The following ENTHD1 variants were observed in gnomAD, a reference collection of about 807,000 sequenced individuals.
ENTHD1 encodes the protein ENTH domain-containing protein 1.
Under a neutral mutation model 39.1 loss-of-function variants are expected in ENTHD1, and 23 were observed. The ratio of observed to expected loss-of-function variants is 0.59; its 90% CI spans 0.42 to 0.83. The LOEUF is 0.83. ENTHD1 is among the 40% of genes least tolerant of loss of function. The probability of loss-of-function intolerance (pLI) is 0.00; values close to 1 mark genes in which losing one functional copy is unlikely to be tolerated. For synonymous variants in ENTHD1, 230 were observed against 258.2 expected (o/e 0.89, Z 1.05); for missense variants, 624 against 705.4 (o/e 0.88, Z 1.31).
At chr22:39,826,237 G>A (rs1434293126) in intron 4 of ENTHD1, among the ~76,000 whole-genome samples, 1 of 152,072 alleles carries the variant, frequency 6.6e-6, no homozygotes, top group African/African-American at 2.4e-5. Context: ...AATTGTAGTG[G>A]TTATCTCTTG....
At position 39,743,612 on chromosome 22, in the gene ENTHD1, C is replaced by G; in HGVS notation, c.*67G>C. ...TTTGCCATAATAATATGAATTTATACAATGCTAACGTAAGTCTTGGGGAAG... is the reference window on the plus strand; with the variant it reads ...TTTGCCATAATAATATGAATTTATAGAATGCTAACGTAAGTCTTGGGGAAG... On this transcript the variant is annotated 3_prime_UTR_variant, in exon 7 of 7. Transcript: ENST00000325157. The G allele has an allele frequency of 6.8e-7, 1 of 1,473,022 alleles. No individual in the cohort carries two copies. 91.2% of individuals were successfully genotyped at this position (1,473,022 alleles called of 1,614,324 possible).
At position 39,774,855 on chromosome 22, in the gene ENTHD1, C is replaced by T. The variant is rs983549294; in HGVS notation, c.833-9246G>A. The stretch of plus-strand genomic sequence containing the variant: ...TGAAATGTTCCTCGTCTCTTTATAT[C>T]GAACTGATTTTCAGCTTCCAGATTC... On this transcript the variant is annotated intron_variant, in intron 5 of 6. Transcript: ENST00000325157. Among the ~76,000 whole-genome samples the T allele has an allele frequency of 1.1e-4, 16 of 152,224 alleles. No individual in the cohort carries two copies. In the South Asian group the frequency reaches 3.1e-3, roughly 30 times the overall value.
At chr22:39,769,861 T>C (rs2065307983) in intron 5 of ENTHD1, among the ~76,000 whole-genome samples, 1 of 151,844 alleles carries the variant, frequency 6.6e-6, no homozygotes, top group African/African-American at 2.4e-5. Context: ...TGTGGAGGAG[T>C]AGAAGCAGCA....
rs2066344420 is a variant in ENTHD1, at chr22:39,882,287, C to A, written c.349+5113G>T. Among the ~76,000 whole-genome samples the A allele has an allele frequency of 6.6e-5, 10 of 152,198 alleles. 1 individual carries two copies. The South Asian group carries it at 2.1e-3, about 32-fold the overall frequency. ...TGATATTATGAATAAAGTACTACAGCAATTAATTCTGCCCATTGAGGGAAA... is the reference window on the plus strand; with the variant it reads ...TGATATTATGAATAAAGTACTACAGAAATTAATTCTGCCCATTGAGGGAAA... On this transcript the variant is annotated intron_variant, in intron 2 of 6. Coordinates refer to ENST00000325157, the MANE Select transcript of ENTHD1 (RefSeq NM_152512.4).
chr22:39,789,199 C>G (rs1162480258), intron 5 of ENTHD1, among the ~76,000 whole-genome samples: 1 of 152,186 alleles, frequency 6.6e-6, no homozygotes, highest in Non-Finnish European at 1.5e-5. Flanking sequence ...GTGCAGGTAT[C>G]TCTTCAACAT....
At chr22:39,889,617 C>T (rs543557589) in intron 1 of ENTHD1, among the ~76,000 whole-genome samples, 1 of 152,282 alleles carries the variant, frequency 6.6e-6, no homozygotes, top group Admixed American at 6.5e-5. Flanking sequence ...TTTAGTTTTG[C>T]TTCCCTTTCT....
intron 2 of ENTHD1, among the ~76,000 whole-genome samples, chr22:39,882,275 AAAG>A (rs2066344284): frequency 6.6e-6 from 1 of 152,270 alleles, no homozygotes; most frequent in African/African-American, 2.4e-5. Context: ...TATTATGAAT[AAAG>A]TACTACAGCA....
chr22:39,765,753 T>G, intron 5 of ENTHD1, 144 bp from the exon 6 acceptor site: 1 of 846,052 alleles, frequency 1.2e-6, no homozygotes, highest in Non-Finnish European at 1.7e-6. Context: ...CTTACTATGC[T>G]TCTATATTCT....
At chr22:39,890,769 G>A (rs1420806066) in intron 1 of ENTHD1, among the ~76,000 whole-genome samples, 2 of 151,954 alleles carry the variant, frequency 1.3e-5, no homozygotes, top group African/African-American at 2.4e-5. Flanking sequence ...TAGAAAAATC[G>A]CAAGGAAAAA....
intron 5 of ENTHD1, among the ~76,000 whole-genome samples, chr22:39,768,901 T>G (rs2065299408): frequency 6.6e-6 from 1 of 152,058 alleles, no homozygotes; most frequent in Non-Finnish European, 1.5e-5. Context: ...CAATTCCTAC[T>G]GTCGATGAAC....
chr22:39,878,545 C>T (rs1371680918), intron 2 of ENTHD1, among the ~76,000 whole-genome samples: 4 of 148,184 alleles, frequency 2.7e-5, no homozygotes, highest in South Asian at 2.1e-4. Flanking sequence ...AAACACCTTA[C>T]GTATAGAGGA....
intron 1 of ENTHD1, among the ~76,000 whole-genome samples, 178 bp from the exon 2 acceptor site, chr22:39,888,081 T>C (rs1459404270): frequency 5.3e-5 from 8 of 152,030 alleles, no homozygotes; most frequent in Admixed American, 5.2e-4. Context: ...CATGAGAAAT[T>C]GGCCTATATT....
At chr22:39,874,388 A>G (rs2066269695) in intron 2 of ENTHD1, 1 of 152,224 alleles carries the variant, frequency 6.6e-6, no homozygotes, top group Non-Finnish European at 1.5e-5. Context: ...CCTTGACCAA[A>G]GAAAAATCCT....
chr22:39,817,466 G>A (rs914773726), intron 5 of ENTHD1, among the ~76,000 whole-genome samples: 1 of 152,198 alleles, frequency 6.6e-6, no homozygotes, highest in Admixed American at 6.5e-5. Flanking sequence ...AAAAGCTTCA[G>A]GAAAATGCAG....
intron 3 of ENTHD1, among the ~76,000 whole-genome samples, chr22:39,840,933 T>C (rs2065939662): frequency 6.6e-6 from 1 of 152,128 alleles, no homozygotes; most frequent in Non-Finnish European, 1.5e-5. Context: ...TTTGTATTTT[T>C]AGTAGAGACA....
intron 2 of ENTHD1, among the ~76,000 whole-genome samples, chr22:39,872,835 C>T (rs932079998): frequency 2.7e-5 from 4 of 150,772 alleles, no homozygotes; most frequent in Non-Finnish European, 5.9e-5. Context: ...ATGAATGCTA[C>T]TTCTAGTAAA....
chr22:39,803,883 C>T lies in ENTHD1; in HGVS notation c.832+17110G>A, dbSNP rs546775704. Among the ~76,000 whole-genome samples, 5 of 152,266 alleles carry T rather than the reference C, an allele frequency of 3.3e-5. 1 individual carries two copies. Among genetic ancestry groups the T allele is most frequent in the African/African-American group, 9.6e-5 (4 of 41,550 alleles). On this transcript the variant is annotated intron_variant, in intron 5 of 6. Transcript: ENST00000325157. ...TTCAACAAAGAATCAATGATCTGGT[C>T]AGGTGCGGTGGCTCATGCTTGTAAT...
chr22:39,853,348 T>C (rs964956424), intron 3 of ENTHD1, among the ~76,000 whole-genome samples: 1 of 151,850 alleles, frequency 6.6e-6, no homozygotes, highest in Non-Finnish European at 1.5e-5. Context: ...CTGGCCAATA[T>C]GGTGAAACCC....
chr22:39,775,707 G>A (rs571431599), intron 5 of ENTHD1, among the ~76,000 whole-genome samples: 13 of 152,234 alleles, frequency 8.5e-5, no homozygotes, highest in East Asian at 7.7e-4. Context: ...GTGCAGGACC[G>A]TGGGAATGGG....
Sources: gnomAD v4.1 joint callset for allele counts (sites outside exome capture counted in the v4.1 genomes callset) on GRCh38, gnomAD v4.1.1 for gene constraint, MANE v1.5 for transcripts, NCBI Gene and HGNC (gene_info 2026-07-23, HGNC 2026-07-21) for gene names.